The following WDTC1 variants were observed in gnomAD, a reference collection of about 807,000 sequenced individuals.
The protein encoded by WDTC1 is WD and tetratricopeptide repeats protein 1.
A neutral mutation model predicts 76.0 loss-of-function variants in WDTC1; 12 were observed. That is an observed-to-expected ratio of 0.16 (90% CI 0.10 to 0.26). The LOEUF is 0.26. Among genes scored for constraint, WDTC1 ranks in the 10% least tolerant of loss-of-function variants. The pLI is 1.00. For synonymous variants in WDTC1, 326 were observed against 350.8 expected (o/e 0.93, Z 0.79); for missense variants, 511 against 908.8 (o/e 0.56, Z 5.63).
intron 13 of WDTC1, among the ~76,000 whole-genome samples, chr1:27,302,236 T>C (rs979667659): frequency 6.6e-6 from 1 of 152,066 alleles, no homozygotes; most frequent in African/African-American, 2.4e-5. Flanking sequence ...CTAAGTCACG[T>C]GGAATTTCTG....
At chr1:27,249,032 C>A (rs1193213183) in intron 1 of WDTC1, among the ~76,000 whole-genome samples, 1 of 152,152 alleles carries the variant, frequency 6.6e-6, no homozygotes, top group East Asian at 1.9e-4. Context: ...CTTTGGGAGG[C>A]TGAGGCAGAC....
Position 27,301,978 on chromosome 1 carries a change from C to T in WDTC1, c.1468+517C>T, listed in dbSNP as rs1056492899. Among the ~76,000 whole-genome samples the T allele has an allele frequency of 6.6e-6, 1 of 152,172 alleles. No homozygotes were observed. Among genetic ancestry groups the T allele is most frequent in the African/African-American group, 2.4e-5 (1 of 41,440 alleles). ...TGTGTGGCCTTGAAGAAAGCACAGCCTCTCTACCTACCTGCACAAAGAGCA... is the reference window on the plus strand; with the variant it reads ...TGTGTGGCCTTGAAGAAAGCACAGCTTCTCTACCTACCTGCACAAAGAGCA... On this transcript the variant is annotated intron_variant, in intron 13 of 15. Transcript: ENST00000319394. The surrounding 1 kb of genome is among the most constrained non-coding windows in gnomAD (Gnocchi z 5.8).
intron 9 of WDTC1, among the ~76,000 whole-genome samples, chr1:27,296,010 C>T (rs1282743682): frequency 6.6e-6 from 1 of 151,890 alleles, no homozygotes; most frequent in African/African-American, 2.4e-5. Flanking sequence ...AAGCAACCAC[C>T]CTCCTGCCTC....
chr1:27,278,351 A>G (rs534169492), intron 3 of WDTC1, among the ~76,000 whole-genome samples: 1 of 152,350 alleles, frequency 6.6e-6, no homozygotes, highest in Non-Finnish European at 1.5e-5. Context: ...CCTCTGCTTT[A>G]GATGATGGAG....
chr1:27,267,371 G>A (rs925820354), intron 3 of WDTC1, among the ~76,000 whole-genome samples: 3 of 151,704 alleles, frequency 2.0e-5, no homozygotes, highest in African/African-American at 4.8e-5. Flanking sequence ...TCAGCCTTCT[G>A]AGTAGCTGGG....
intron 11 of WDTC1, among the ~76,000 whole-genome samples, chr1:27,297,497 A>T (rs1159028168): frequency 6.6e-6 from 1 of 152,190 alleles, no homozygotes; most frequent in South Asian, 2.1e-4. Flanking sequence ...CCTATAGCAT[A>T]TCCTTGCCTC....
intron 12 of WDTC1, among the ~76,000 whole-genome samples, chr1:27,299,828 C>T (rs906277824): frequency 6.6e-6 from 1 of 152,092 alleles, no homozygotes; most frequent in Non-Finnish European, 1.5e-5. Context: ...CCAGCCTGCT[C>T]TCTACCCCCA....
intron 12 of WDTC1, among the ~76,000 whole-genome samples, chr1:27,300,424 T>C: frequency 6.6e-6 from 1 of 150,956 alleles, no homozygotes; most frequent in East Asian, 1.9e-4. Flanking sequence ...GCTGGGGGAG[T>C]ATGCTTCCTA....
At chr1:27,258,319 G>C (rs2147927408) in intron 1 of WDTC1, among the ~76,000 whole-genome samples, 1 of 151,612 alleles carries the variant, frequency 6.6e-6, no homozygotes, top group East Asian at 2.0e-4. Flanking sequence ...GATCACCTGA[G>C]GTCGGGAGTT....
At chr1:27,288,098 T>C (rs1557501326) in intron 6 of WDTC1, among the ~76,000 whole-genome samples, 1 of 152,094 alleles carries the variant, frequency 6.6e-6, no homozygotes, top group Non-Finnish European at 1.5e-5. Flanking sequence ...TCTCACCACC[T>C]CAGGTGTCCA....
At chr1:27,253,627 G>T (rs891063597) in intron 1 of WDTC1, among the ~76,000 whole-genome samples, 2 of 151,186 alleles carry the variant, frequency 1.3e-5, no homozygotes, top group African/African-American at 2.4e-5. Flanking sequence ...GATTATAGGC[G>T]TGAGCCGCCA....
chr1:27,260,648 GC>G (rs2012448973), intron 1 of WDTC1, among the ~76,000 whole-genome samples: 2 of 152,186 alleles, frequency 1.3e-5, no homozygotes, highest in Admixed American at 6.5e-5. Flanking sequence ...TTCTAGCTTT[GC>G]CTTGTTCTAA....
In WDTC1 at chr1:27,305,411, T is replaced by C. The variant is rs187338528; in HGVS notation, c.1836+218T>C. Among the ~76,000 whole-genome samples the C allele has an allele frequency of 7.9e-5, 12 of 152,334 alleles. No homozygotes were observed. In the East Asian group the frequency reaches 2.3e-3, roughly 29 times the overall value. ...GCAGAGGCCCTGGTCACAAGGGAAC[T>C]ATGCAGGCTTTGGCATCTGGTAGGC... On this transcript the variant is annotated intron_variant, in intron 15 of 15. Coordinates refer to ENST00000319394, the MANE Select transcript of WDTC1 (RefSeq NM_001276252.2). This position sits in a 1 kb window ranked among gnomAD's most constrained non-coding sequence, Gnocchi z 4.6.
At chr1:27,280,994 G>A (rs187801827) in intron 3 of WDTC1, among the ~76,000 whole-genome samples, 121 of 151,558 alleles carry the variant, frequency 8.0e-4, no homozygotes, top group African/African-American at 2.7e-3. Flanking sequence ...TTGAGACAGA[G>A]TCTCTCTCTC....
intron 6 of WDTC1, among the ~76,000 whole-genome samples, chr1:27,288,081 A>G (rs933814071): frequency 1.3e-5 from 2 of 152,032 alleles, no homozygotes; most frequent in African/African-American, 4.8e-5. Flanking sequence ...TAGGCCCACA[A>G]GCTTTTTCTC....
At chr1:27,266,939 A>G (rs2012690898) in intron 3 of WDTC1, among the ~76,000 whole-genome samples, 1 of 152,220 alleles carries the variant, frequency 6.6e-6, no homozygotes. Flanking sequence ...AAAGAGAACT[A>G]TTATGAGATA....
At position 27,306,575 on chromosome 1, in the gene WDTC1, C is replaced by A; in HGVS notation, c.*192C>A. On this transcript the variant is annotated 3_prime_UTR_variant, in exon 16 of 16. Transcript: ENST00000319394. This position sits in a 1 kb window ranked among gnomAD's most constrained non-coding sequence, Gnocchi z 5.0. ...GGCTTTCGGACTCTGGGCTGATTGT[C>A]CCCTGACTATCCCCAGCCCTGAAAA... 1 of 677,318 alleles carries A rather than the reference C, an allele frequency of 1.5e-6. No individual in the cohort carries two copies. Among genetic ancestry groups the A allele is most frequent in the Non-Finnish European group, 2.4e-6 (1 of 409,404 alleles). The allele number at this position is 677,318 out of a possible 1,614,324, so 42.0% of individuals were successfully genotyped here. A position where few individuals can be genotyped will look rare whatever the true frequency, so the allele number is the denominator to read the frequency against.
intron 12 of WDTC1, among the ~76,000 whole-genome samples, chr1:27,300,432 C>T (rs1238983589): frequency 6.6e-6 from 1 of 152,054 alleles, no homozygotes; most frequent in Non-Finnish European, 1.5e-5. Context: ...AGTATGCTTC[C>T]TATATTCTGG....
At chr1:27,279,855 C>T (rs2013141140) in intron 3 of WDTC1, among the ~76,000 whole-genome samples, 1 of 152,202 alleles carries the variant, frequency 6.6e-6, no homozygotes, top group Non-Finnish European at 1.5e-5. Context: ...TGTGAGCCAC[C>T]ATGCCCAGCC....
Sources: allele counts gnomAD v4.1 joint callset (sites outside exome capture counted in the v4.1 genomes callset), GRCh38; gene constraint gnomAD v4.1.1; non-coding constraint Gnocchi (gnomAD v3.1); transcripts MANE v1.5; gene names NCBI Gene and HGNC (gene_info 2026-07-23, HGNC 2026-07-21).